The following PCDHGA1 variants were observed in gnomAD, a reference collection of about 807,000 sequenced individuals.
PCDHGA1 encodes the protein protocadherin gamma subfamily A, 1.
PCDHGA1 carries 32 observed loss-of-function variants against 58.0 expected under a neutral mutation model. The ratio of observed to expected loss-of-function variants is 0.55; its 90% CI spans 0.42 to 0.74. PCDHGA1 has a LOEUF of 0.74. Ranked by LOEUF, PCDHGA1 falls within the 30% of genes least tolerant of loss-of-function variation. The pLI, the probability that PCDHGA1 is intolerant of heterozygous loss-of-function variation, is 0.00. For synonymous variants in PCDHGA1, 498 were observed against 501.1 expected, an observed-to-expected ratio of 0.99 and a Z score of 0.08; for missense variants, 1,205 against 1,182.3, an observed-to-expected ratio of 1.02 and a Z score of -0.28.
chr5:141,357,140 A>G (rs1240951926), intron 1 of PCDHGA1: 6 of 1,613,556 alleles, frequency 3.7e-6, no homozygotes, highest in Non-Finnish European at 5.1e-6. Flanking sequence ...GTGGTCGTCC[A>G]GGACCATGGC....
intron 1 of PCDHGA1, chr5:141,374,270 G>A (rs377535875): frequency 1.2e-6 from 2 of 1,613,872 alleles, no homozygotes; most frequent in African/African-American, 1.3e-5. Context: ...GGCGGAGCAC[G>A]GAGTCCGCAT....
At chr5:141,424,547 T>A (rs1484479408) in intron 1 of PCDHGA1, 2 of 152,238 alleles carry the variant, frequency 1.3e-5, no homozygotes, top group African/African-American at 4.8e-5. Flanking sequence ...AACTTGATTT[T>A]GATTCAGTGC....
At chr5:141,370,900 A>G (rs1561548541) in intron 1 of PCDHGA1, 1 of 1,613,950 alleles carries the variant, frequency 6.2e-7, no homozygotes, top group African/African-American at 1.3e-5. Flanking sequence ...TCGCTGCAGC[A>G]GTACTACCTC....
chr5:141,509,513 T>C (rs2099877131), intron 3 of PCDHGA1, among the ~76,000 whole-genome samples: 2 of 152,068 alleles, frequency 1.3e-5, no homozygotes, highest in Non-Finnish European at 2.9e-5. Flanking sequence ...ACGGTGTTGA[T>C]GATGTATTGC....
At chr5:141,365,050 C>A (rs1763704245) in intron 1 of PCDHGA1, 1 of 1,613,882 alleles carries the variant, frequency 6.2e-7, no homozygotes, top group African/African-American at 1.3e-5. Flanking sequence ...ACAATGCGCC[C>A]CTGTTCACCC....
At chr5:141,375,014 G>C in intron 1 of PCDHGA1, 1 of 1,614,004 alleles carries the variant, frequency 6.2e-7, no homozygotes, top group Non-Finnish European at 8.5e-7. Flanking sequence ...AGACTATGAG[G>C]ACTCGAGTTT....
At chr5:141,484,468 C>T (rs2099596877) in intron 1 of PCDHGA1, among the ~76,000 whole-genome samples, 1 of 152,200 alleles carries the variant, frequency 6.6e-6, no homozygotes, top group South Asian at 2.1e-4. Context: ...ATGTGTAAGC[C>T]TTTTCTGCAA....
intron 1 of PCDHGA1, chr5:141,409,887 TGCTGTAC>T: frequency 6.2e-7 from 1 of 1,613,062 alleles, no homozygotes; most frequent in Non-Finnish European, 8.5e-7. Flanking sequence ...GCACCGCGGG[TGCTGTAC>T]CCAGCTCTGG....
intron 1 of PCDHGA1, among the ~76,000 whole-genome samples, chr5:141,438,458 G>A (rs1462204360): frequency 6.6e-6 from 1 of 151,538 alleles, no homozygotes. Context: ...CAATGCTTGA[G>A]TTCAATTATT....
intron 1 of PCDHGA1, chr5:141,370,622 C>A (rs756641778): frequency 1.9e-6 from 3 of 1,613,902 alleles, no homozygotes; most frequent in Non-Finnish European, 2.5e-6. Flanking sequence ...AATTCTTTAC[C>A]GTGAGCCCCG....
At chr5:141,472,980 C>CAAAAAAAAAA (rs60579131) in intron 1 of PCDHGA1, among the ~76,000 whole-genome samples, 34 of 85,838 alleles carry the variant, frequency 4.0e-4, no homozygotes, top group South Asian at 1.3e-3. Context: ...GAGTGAAACT[C>CAAAAAAAAAA]AAAAAAAAAA....
intron 1 of PCDHGA1, chr5:141,374,905 C>CG (rs1561564899): frequency 1.9e-6 from 3 of 1,613,734 alleles, no homozygotes; most frequent in Non-Finnish European, 2.5e-6. Context: ...AAGGAGTCCA[C>CG]GGGGAAGTAA....
intron 1 of PCDHGA1, among the ~76,000 whole-genome samples, chr5:141,462,203 G>A (rs544238255): frequency 2.6e-5 from 4 of 152,036 alleles, no homozygotes; most frequent in East Asian, 1.9e-4. Flanking sequence ...CAGGTGATCC[G>A]CCTGCCTCGG....
chr5:141,464,655 G>T (rs1326749316), intron 1 of PCDHGA1, among the ~76,000 whole-genome samples: 1 of 152,070 alleles, frequency 6.6e-6, no homozygotes. Flanking sequence ...TGGGTAAAAA[G>T]ATATCTCCAA....
chr5:141,330,871 G>A lies in PCDHGA1; in HGVS notation c.187G>A (p.Gly63Arg). 3.1e-6 allele frequency: 5 copies of A among 1,614,202 alleles called. No individual in the cohort carries two copies. The highest frequency in any genetic ancestry group is 2.2e-5 in the East Asian group (1 of 44,886). The change falls in exon 1 of 4, where the codon GGA becomes AGA. Residue 63 changes from glycine to arginine, a missense_variant. Gly to Arg is a moderately radical substitution (Grantham distance 125). Transcript: ENST00000517417. Reference sequence around the variant, plus strand: ...GCAACCCCAGGAGCTGGCAGATGGCGGAGTCCGCATCGTCTCCAGAGGTAG... The same window carrying A: ...GCAACCCCAGGAGCTGGCAGATGGCAGAGTCCGCATCGTCTCCAGAGGTAG... ...GLQPQELADG[G>R]VRIVSRGRMP...
chr5:141,511,010 A>G lies in PCDHGA1; in HGVS notation c.2633A>G (p.Tyr878Cys), dbSNP rs1286219897. 6.2e-6 allele frequency: 10 copies of G among 1,614,054 alleles called. No homozygotes were observed. Among genetic ancestry groups the G allele is most frequent in the African/African-American group, 1.3e-5 (1 of 74,916 alleles). Residue 878 changes from tyrosine to cysteine, a missense_variant, in exon 4 of 4, where the codon TAC becomes TGC. By Grantham distance (194) the Tyr-to-Cys change is radical (BLOSUM62 -2). Coordinates refer to ENST00000517417, the MANE Select transcript of PCDHGA1 (RefSeq NM_018912.3). ...GGCACCATGGGATTGAGCGCCCGCT[A>G]CGGACCCCAGTTCACCCTGCAGCAC... Reference protein sequence around the residue: ...GAGTMGLSARYGPQFTLQHVP... With the variant: ...GAGTMGLSARCGPQFTLQHVP...
chr5:141,381,817 TTTC>T (rs1262770842), intron 1 of PCDHGA1, among the ~76,000 whole-genome samples: 8 of 136,196 alleles, frequency 5.9e-5, no homozygotes, highest in African/African-American at 2.1e-4. Context: ...TCTTTCTTTC[TTTC>T]TTCTTCTTTT....
chr5:141,372,042 G>T (rs373749332), intron 1 of PCDHGA1: 26 of 1,613,362 alleles, frequency 1.6e-5, no homozygotes, highest in African/African-American at 2.7e-5. Flanking sequence ...GAGCCTGCGC[G>T]TGTTGGTGGA....
At chr5:141,439,571 G>T (rs1010967112) in intron 1 of PCDHGA1, among the ~76,000 whole-genome samples, 4 of 152,154 alleles carry the variant, frequency 2.6e-5, no homozygotes, top group Non-Finnish European at 4.4e-5. Flanking sequence ...CTAGAGTAGG[G>T]ACTCAGAGTG....
Sources: gnomAD v4.1 joint callset for allele counts (sites outside exome capture counted in the v4.1 genomes callset) on GRCh38, gnomAD v4.1.1 for gene constraint, MANE v1.5 for transcripts, NCBI Gene and HGNC (gene_info 2026-07-23, HGNC 2026-07-21) for gene names.